WDR59: variants seen among roughly 807,000 people sequenced by gnomAD.
WDR59 encodes the protein GATOR2 complex protein WDR59.
WDR59 carries 100 observed loss-of-function variants against 131.2 expected under a neutral mutation model. That is an observed-to-expected ratio of 0.76 (90% confidence interval 0.65 to 0.90). The LOEUF (loss-of-function observed/expected upper bound fraction) is 0.90, where lower values mean the gene tolerates loss of function less well. WDR59 is among the 40% of genes least tolerant of loss of function. The pLI, the probability that WDR59 is intolerant of heterozygous loss-of-function variation, is 0.00. For synonymous variants in WDR59, 601 were observed against 466.2 expected (o/e 1.29, Z -3.72); for missense variants, 1,203 against 1,262.2 (o/e 0.95, Z 0.71).
rs745615725 is a variant in WDR59 at position 74,938,182 on chromosome 16, G to A, written c.619C>T (p.Leu207Phe). The change falls in exon 8 of 26, where the codon CTT (leucine) becomes TTT (phenylalanine). Residue 207 changes from leucine (L) to phenylalanine (F), a missense_variant. Physicochemically the swap from Leu to Phe is conservative, Grantham distance 22. Coordinates refer to ENST00000262144, the MANE Select transcript of WDR59 (RefSeq NM_030581.4). ...LDWHPDSEHI[L>F]ATSSQDNSVK... is the part of the protein sequence containing the mutation. ...GAATTGTCTTGACTGGAGGTAGCAA[G>A]AATGTGCTCGCTGTCTGGGTGCCAG... 7.6e-6 allele frequency: 12 copies of A among 1,577,586 alleles called. No individual in the cohort carries two copies. The highest frequency in any genetic ancestry group is 4.1e-5 in the African/African-American group (3 of 73,118).
chr16:74,959,835 GA>G (rs572556438), intron 2 of WDR59, among the ~76,000 whole-genome samples: 2,863 of 91,092 alleles, frequency 0.031, 81 homozygotes, highest in African/African-American at 0.1. Flanking sequence ...ATAACAATAA[GA>G]AAAAAAAAAA....
At chr16:74,928,051 G>T (rs1454587380) in intron 8 of WDR59, among the ~76,000 whole-genome samples, 1 of 151,406 alleles carries the variant, frequency 6.6e-6, no homozygotes, top group Non-Finnish European at 1.5e-5. Flanking sequence ...GGAACTACAG[G>T]CATGCACCAC....
chr16:74,916,077 T>G (rs750570916), intron 12 of WDR59, 50 bp downstream of exon 12: 1 of 1,614,028 alleles, frequency 6.2e-7, no homozygotes. Flanking sequence ...GCCACAACTC[T>G]GCAATGCGTA....
At chr16:74,967,802 T>C (rs558734888) in intron 1 of WDR59, among the ~76,000 whole-genome samples, 1 of 145,064 alleles carries the variant, frequency 6.9e-6, no homozygotes, top group East Asian at 2.0e-4. Flanking sequence ...GAGGTTGCAG[T>C]GAGCCGAGAC....
intron 25 of WDR59, among the ~76,000 whole-genome samples, chr16:74,883,294 A>T (rs112326728): frequency 0.061 from 9,308 of 151,992 alleles, 348 homozygotes; most frequent in South Asian, 0.091. Flanking sequence ...AAGTGCTGGG[A>T]TTACAGGCGT....
At chr16:74,979,672 C>G (rs2034321161) in intron 1 of WDR59, among the ~76,000 whole-genome samples, 1 of 150,950 alleles carries the variant, frequency 6.6e-6, no homozygotes. Flanking sequence ...ACCCGAGTAG[C>G]TGGGATTACA....
intron 17 of WDR59, among the ~76,000 whole-genome samples, chr16:74,907,561 C>A (rs1965877059): frequency 1.3e-5 from 2 of 152,202 alleles, no homozygotes; most frequent in Admixed American, 1.3e-4. Flanking sequence ...AGTCAACTAA[C>A]CTCTTTTCTT....
chr16:74,912,182 G>T lies in WDR59; in HGVS notation c.1389+16C>A, dbSNP rs530139444. The T allele has an allele frequency of 2.5e-6, 4 of 1,614,132 alleles. No individual in the cohort carries two copies. Among genetic ancestry groups the T allele is most frequent in the Middle Eastern group, 3.3e-4 (2 of 6,060 alleles). On this transcript the variant is annotated intron_variant, in intron 14 of 25. Coordinates refer to ENST00000262144, the MANE Select transcript of WDR59 (RefSeq NM_030581.4). ...ATGCAGAACAGCAAGGAGAATTTGG[G>T]AACCCAGACCCCCACCTTCAGCAGC...
intron 25 of WDR59, 125 bp from the exon 26 acceptor site, chr16:74,874,569 G>C: frequency 4.1e-6 from 3 of 738,714 alleles, no homozygotes; most frequent in Non-Finnish European, 4.4e-6. Context: ...TCTTAGACCA[G>C]TGGTTTTCAT....
chr16:74,876,630 A>C (rs909517934), intron 25 of WDR59, among the ~76,000 whole-genome samples: 1 of 152,192 alleles, frequency 6.6e-6, no homozygotes, highest in African/African-American at 2.4e-5. Context: ...CTAATATTTC[A>C]TTTCGTTAAT....
At chr16:74,874,629 C>A (rs1053101683) in intron 25 of WDR59, among the ~76,000 whole-genome samples, 185 bp from the exon 26 acceptor site, 1 of 152,130 alleles carries the variant, frequency 6.6e-6, no homozygotes, top group African/African-American at 2.4e-5. Context: ...GAGTTTCACT[C>A]TTGTCACCCA....
intron 1 of WDR59, among the ~76,000 whole-genome samples, chr16:74,979,447 CAG>C (rs1372335999): frequency 7.1e-6 from 1 of 141,068 alleles, no homozygotes; most frequent in African/African-American, 2.6e-5. Context: ...GCCTGGGCGA[CAG>C]AGTGAGACTC....
intron 25 of WDR59, among the ~76,000 whole-genome samples, chr16:74,883,067 A>G (rs147961998): frequency 0.015 from 1,910 of 127,264 alleles, 33 homozygotes; most frequent in African/African-American, 0.053. Flanking sequence ...CTCTGTCACC[A>G]AGGCTGGAGT....
chr16:74,939,603 T>C (rs143980338), intron 7 of WDR59, among the ~76,000 whole-genome samples: 1 of 152,028 alleles, frequency 6.6e-6, no homozygotes, highest in Non-Finnish European at 1.5e-5. Context: ...CTCTGGGTAG[T>C]AGGATTATGA....
At chr16:74,974,027 G>A (rs560005385) in intron 1 of WDR59, among the ~76,000 whole-genome samples, 13 of 152,214 alleles carry the variant, frequency 8.5e-5, no homozygotes, top group South Asian at 2.1e-4. Context: ...AAAATTAGCT[G>A]GGCATGGTGG....
intron 18 of WDR59, among the ~76,000 whole-genome samples, chr16:74,903,234 G>A (rs148687757): frequency 2.6e-5 from 4 of 152,326 alleles, no homozygotes; most frequent in African/African-American, 9.6e-5. Flanking sequence ...CTGAGTTTGT[G>A]CAGTGCTCAG....
chr16:74,970,974 G>A (rs563772330), intron 1 of WDR59, among the ~76,000 whole-genome samples: 229 of 151,822 alleles, frequency 1.5e-3, no homozygotes, highest in Admixed American at 3.1e-3. Context: ...ACTTGAGCCC[G>A]AGAGGTTGTG....
At chr16:74,910,054 G>A (rs1966012186) in intron 14 of WDR59, 137 bp from the exon 15 acceptor site, 1 of 667,494 alleles carries the variant, frequency 1.5e-6, no homozygotes, top group Non-Finnish European at 2.4e-6. Flanking sequence ...TGCAACCTCT[G>A]CCTCCCGTCT....
chr16:74,890,914 G>C (rs1479203125), intron 20 of WDR59, among the ~76,000 whole-genome samples: 1 of 151,982 alleles, frequency 6.6e-6, no homozygotes, highest in African/African-American at 2.4e-5. Flanking sequence ...AGGAGTACGA[G>C]ACCAGCCTGG....
Sources: allele counts gnomAD v4.1 joint callset (sites outside exome capture counted in the v4.1 genomes callset), GRCh38; gene constraint gnomAD v4.1.1; transcripts MANE v1.5; gene names NCBI Gene and HGNC (gene_info 2026-07-23, HGNC 2026-07-21).